Variants in ARHGAP24 observed in about 807,000 individuals in gnomAD.
The protein encoded by ARHGAP24 is Rho GTPase activating protein 24.
ARHGAP24 carries 50 observed loss-of-function variants against 76.4 expected under a neutral mutation model. That is an observed-to-expected ratio of 0.65 (90% CI 0.52 to 0.83). The LOEUF is 0.83. ARHGAP24 is among the 40% of genes least tolerant of loss of function. The pLI, the probability that ARHGAP24 is intolerant of heterozygous loss-of-function variation, is 0.00. For synonymous variants in ARHGAP24, 345 were observed against 323.3 expected (o/e 1.07, Z -0.72); for missense variants, 930 against 914.2 (o/e 1.02, Z -0.22).
At chr4:85,973,845 T>TG (rs1368949814) in intron 6 of ARHGAP24, among the ~76,000 whole-genome samples, 30,863 of 124,580 alleles carry the variant, frequency 0.25, 4,650 homozygotes, top group South Asian at 0.47. Context: ...TTTTTTTTTT[T>TG]TTTTTTTTTT....
In ARHGAP24 at chr4:85,994,835, C is replaced by T. The variant is rs986289220; in HGVS notation, c.1181C>T (p.Ala394Val). 4 of 1,614,028 alleles carry T rather than the reference C, an allele frequency of 2.5e-6. No individual in the cohort carries two copies. Among genetic ancestry groups the T allele is most frequent in the South Asian group, 1.1e-5 (1 of 91,086 alleles). The change falls in exon 9 of 10, where the codon GCT becomes GTT. Residue 394 changes from alanine (A) to valine (V), a missense_variant. Ala to Val is a moderately conservative substitution (Grantham distance 64). Transcript: ENST00000395184. ...RSSMNNGSPT[A>V]LSGSKTNSPK... ...AGCATGAACAATGGATCCCCCACAG[C>T]TCTATCAGGCAGCAAAACCAACAGC...
chr4:85,503,815 T>C (rs566201820), intron 1 of ARHGAP24, among the ~76,000 whole-genome samples: 109 of 152,354 alleles, frequency 7.2e-4, no homozygotes, highest in African/African-American at 2.5e-3. Context: ...TGTTAGGGTG[T>C]CAATTTTAGA....
chr4:85,940,967 T>C (rs1044584802), intron 4 of ARHGAP24, among the ~76,000 whole-genome samples: 31 of 152,172 alleles, frequency 2.0e-4, no homozygotes, highest in African/African-American at 7.2e-4. Flanking sequence ...AAGCATCTGT[T>C]GGTATGATCA....
intron 2 of ARHGAP24, among the ~76,000 whole-genome samples, chr4:85,610,842 A>G (rs1720358720): frequency 6.6e-6 from 1 of 152,144 alleles, no homozygotes; most frequent in African/African-American, 2.4e-5. Context: ...TTTTACTTGA[A>G]GAGTTAGGCT....
chr4:85,915,579 C>T (rs952953170), intron 3 of ARHGAP24, among the ~76,000 whole-genome samples: 10 of 151,522 alleles, frequency 6.6e-5, no homozygotes, highest in African/African-American at 2.2e-4. Flanking sequence ...TAGCCCCCCA[C>T]GCCCCAATAA....
intron 3 of ARHGAP24, among the ~76,000 whole-genome samples, chr4:85,793,876 C>G (rs1728233431): frequency 6.6e-6 from 1 of 152,036 alleles, no homozygotes; most frequent in African/African-American, 2.4e-5. Flanking sequence ...AAGGAAACAG[C>G]AAAATTCTGG....
intron 1 of ARHGAP24, among the ~76,000 whole-genome samples, chr4:85,485,011 A>G (rs1392626931): frequency 2.0e-5 from 3 of 152,088 alleles, no homozygotes; most frequent in African/African-American, 7.2e-5. Flanking sequence ...TTGCTAGAAA[A>G]GACTTGAAGG....
chr4:85,612,246 G>A (rs181232784), intron 2 of ARHGAP24, among the ~76,000 whole-genome samples: 75 of 152,060 alleles, frequency 4.9e-4, no homozygotes, highest in African/African-American at 1.7e-3. Flanking sequence ...GTGAAACCCC[G>A]TCTCTACTAA....
At chr4:85,527,058 G>A (rs1725035085) in intron 1 of ARHGAP24, among the ~76,000 whole-genome samples, 1 of 152,106 alleles carries the variant, frequency 6.6e-6, no homozygotes, top group Admixed American at 6.6e-5. Flanking sequence ...CAGGACATGT[G>A]AAATAGATCA....
chr4:85,957,750 C>T (rs1289125120), intron 5 of ARHGAP24, among the ~76,000 whole-genome samples: 2 of 152,138 alleles, frequency 1.3e-5, no homozygotes, highest in South Asian at 2.1e-4. Context: ...TTTATAAACA[C>T]ACCAAAGTCT....
At chr4:85,655,020 A>G (rs1722088562) in intron 2 of ARHGAP24, among the ~76,000 whole-genome samples, 1 of 152,164 alleles carries the variant, frequency 6.6e-6, no homozygotes, top group African/African-American at 2.4e-5. Context: ...CCTCCCTTAT[A>G]TTGGCATAAA....
chr4:85,994,620 T>C lies in ARHGAP24; in HGVS notation c.966T>C (p.Ile322=). The part of the protein sequence containing the change: ...VVVQQLMSVM[I]SKHDCLFPKD... Reference sequence around the variant, plus strand: ...TCCAGCAGTTGATGTCAGTGATGATTAGCAAACATGATTGCCTCTTTCCCA... The same window carrying C: ...TCCAGCAGTTGATGTCAGTGATGATCAGCAAACATGATTGCCTCTTTCCCA... The change falls in exon 9 of 10, where the codon ATT becomes ATC. Residue 322 remains isoleucine, a synonymous_variant. Transcript: ENST00000395184. 1 of 1,614,210 alleles carries C rather than the reference T, an allele frequency of 6.2e-7. No homozygotes were observed. The highest frequency in any genetic ancestry group is 1.1e-5 in the South Asian group (1 of 91,082).
intron 2 of ARHGAP24, among the ~76,000 whole-genome samples, chr4:85,576,385 G>T (rs1293356047): frequency 1.3e-5 from 2 of 151,360 alleles, no homozygotes; most frequent in African/African-American, 4.9e-5. Context: ...AGGAGAGATC[G>T]CGCCACTGCA....
intron 1 of ARHGAP24, among the ~76,000 whole-genome samples, chr4:85,554,118 C>T (rs868779518): frequency 2.0e-5 from 3 of 152,140 alleles, no homozygotes; most frequent in Non-Finnish European, 4.4e-5. Context: ...TTTAAAAATG[C>T]TGAATATAAG....
At chr4:85,558,713 C>A (rs1162994119) in intron 1 of ARHGAP24, among the ~76,000 whole-genome samples, 1 of 152,174 alleles carries the variant, frequency 6.6e-6, no homozygotes, top group African/African-American at 2.4e-5. Context: ...TTAGAGCAAG[C>A]CTGACGATGT....
intron 3 of ARHGAP24, among the ~76,000 whole-genome samples, chr4:85,885,822 A>G (rs1300945772): frequency 6.6e-6 from 1 of 152,080 alleles, no homozygotes; most frequent in Non-Finnish European, 1.5e-5. Context: ...GTTTAAAGCT[A>G]GAGTTAGATG....
intron 3 of ARHGAP24, among the ~76,000 whole-genome samples, chr4:85,843,090 T>C (rs1350844955): frequency 1.3e-5 from 2 of 152,230 alleles, no homozygotes; most frequent in Admixed American, 6.5e-5. Flanking sequence ...AGTTATTATT[T>C]TACATATTAT....
intron 3 of ARHGAP24, among the ~76,000 whole-genome samples, chr4:85,770,165 C>T (rs1037191628): frequency 1.3e-5 from 2 of 152,186 alleles, no homozygotes; most frequent in African/African-American, 4.8e-5. Context: ...GAAGGGCCTC[C>T]TCTATTCATT....
chr4:85,695,439 C>A (rs983433667), intron 2 of ARHGAP24, among the ~76,000 whole-genome samples: 1 of 152,126 alleles, frequency 6.6e-6, no homozygotes. Flanking sequence ...AAAATATATT[C>A]CATCATAATA....
Sources: allele counts gnomAD v4.1 joint callset (sites outside exome capture counted in the v4.1 genomes callset), GRCh38; gene constraint gnomAD v4.1.1; transcripts MANE v1.5; gene names NCBI Gene and HGNC (gene_info 2026-07-23, HGNC 2026-07-21).